PDE1C: variants seen among roughly 807,000 people sequenced by gnomAD.
PDE1C encodes the protein dual specificity calcium/calmodulin-dependent 3',5'-cyclic nucleotide phosphodiesterase 1C.
In PDE1C, 62 loss-of-function variants were observed where a neutral mutation model predicts 93.1. The observed-to-expected ratio is 0.67, with a 90% CI of 0.54 to 0.82. PDE1C has a LOEUF of 0.82. Among genes scored for constraint, PDE1C ranks in the 40% least tolerant of loss-of-function variants. The pLI is 0.00. For missense variants in PDE1C, 742 were observed against 884.6 expected, an observed-to-expected ratio of 0.84 and a Z score of 2.04; for synonymous variants, 325 against 310.1, an observed-to-expected ratio of 1.05 and a Z score of -0.50.
At chr7:32,169,187 A>G (rs912106665) in intron 3 of PDE1C, among the ~76,000 whole-genome samples, 5 of 152,232 alleles carry the variant, frequency 3.3e-5, no homozygotes, top group African/African-American at 1.2e-4. Flanking sequence ...TTTTTATTTA[A>G]TATGGGTGAG....
chr7:32,143,509 T>C (rs1800654941), intron 3 of PDE1C, among the ~76,000 whole-genome samples: 2 of 152,022 alleles, frequency 1.3e-5, no homozygotes, highest in Non-Finnish European at 2.9e-5. Context: ...GCTTCTCTTC[T>C]TGCCATTCCC....
intron 1 of PDE1C, among the ~76,000 whole-genome samples, chr7:32,407,079 G>T (rs539060323): frequency 6.6e-5 from 10 of 152,248 alleles, no homozygotes; most frequent in South Asian, 4.1e-4. Context: ...CTCGAGACCA[G>T]CCTGGCCAAC....
intron 9 of PDE1C, among the ~76,000 whole-genome samples, chr7:31,846,837 T>C (rs1340590198): frequency 6.6e-6 from 1 of 152,154 alleles, no homozygotes; most frequent in African/African-American, 2.4e-5. Flanking sequence ...GCTGGCTGAG[T>C]CTAGCATATT....
At chr7:32,413,470 C>A (rs1027006928) in intron 1 of PDE1C, among the ~76,000 whole-genome samples, 7 of 152,116 alleles carry the variant, frequency 4.6e-5, no homozygotes, top group African/African-American at 1.7e-4. Context: ...ATAAGTCAAT[C>A]ACAAAAGAGC....
chr7:32,353,814 A>T (rs1174665507), intron 1 of PDE1C, among the ~76,000 whole-genome samples: 4 of 152,146 alleles, frequency 2.6e-5, no homozygotes, highest in Non-Finnish European at 5.9e-5. Context: ...CTTATTTTAG[A>T]AATATCCATT....
At chr7:31,935,820 G>T (rs547946905) in intron 2 of PDE1C, among the ~76,000 whole-genome samples, 4 of 151,860 alleles carry the variant, frequency 2.6e-5, no homozygotes, top group Admixed American at 2.6e-4. Context: ...AGGGTCTAAC[G>T]TCACCAAGCA....
chr7:31,850,564 G>A, intron 8 of PDE1C, 77 bp downstream of exon 8: 1 of 951,330 alleles, frequency 1.1e-6, no homozygotes. Context: ...AAAGAAAGGT[G>A]ACTAACACCT....
At chr7:32,320,430 G>T (rs866351129) in intron 1 of PDE1C, among the ~76,000 whole-genome samples, 18 of 152,044 alleles carry the variant, frequency 1.2e-4, no homozygotes, top group African/African-American at 4.3e-4. Context: ...TGAATGATGG[G>T]GTGATCTGTG....
the PDE1C span, among the ~76,000 whole-genome samples, chr7:31,676,039 T>C: frequency 2.6e-5 from 4 of 152,304 alleles, no homozygotes; most frequent in South Asian, 6.2e-4. Context: ...GTTAATACTA[T>C]GGTGCTTTCA....
chr7:31,963,976 A>G (rs1439603664), intron 2 of PDE1C, among the ~76,000 whole-genome samples: 3 of 152,212 alleles, frequency 2.0e-5, no homozygotes, highest in African/African-American at 7.2e-5. Flanking sequence ...AGTGGGGTGG[A>G]GGCAAGGTGG....
chr7:32,286,724 A>G (rs946851866), intron 1 of PDE1C, among the ~76,000 whole-genome samples: 5 of 152,236 alleles, frequency 3.3e-5, no homozygotes, highest in Non-Finnish European at 7.3e-5. Flanking sequence ...AGCAGGTACT[A>G]GAACAACATG....
intron 3 of PDE1C, among the ~76,000 whole-genome samples, chr7:32,095,523 CCAGAATCATA>C (rs1797705198): frequency 6.6e-6 from 1 of 152,162 alleles, no homozygotes; most frequent in Admixed American, 6.5e-5. Context: ...TATGGGTTGG[CCAGAATCATA>C]CCAGCCCTAA....
chr7:32,358,669 G>C (rs1032432921), intron 1 of PDE1C, among the ~76,000 whole-genome samples: 1 of 152,122 alleles, frequency 6.6e-6, no homozygotes, highest in Non-Finnish European at 1.5e-5. Context: ...CTGGGTGCAG[G>C]GAGTGTTGTA....
chr7:32,145,308 C>G (rs1269220556), intron 3 of PDE1C, among the ~76,000 whole-genome samples: 1 of 152,138 alleles, frequency 6.6e-6, no homozygotes, highest in Non-Finnish European at 1.5e-5. Flanking sequence ...CAGGACATAG[C>G]TACTTATTAA....
chr7:31,872,965 G>A (rs1196733660), intron 6 of PDE1C, among the ~76,000 whole-genome samples: 1 of 152,196 alleles, frequency 6.6e-6, no homozygotes, highest in Non-Finnish European at 1.5e-5. Context: ...TTGGTCAATA[G>A]GACACAAAGT....
intron 2 of PDE1C, among the ~76,000 whole-genome samples, chr7:32,194,871 G>A (rs1320628889): frequency 2.6e-5 from 4 of 151,306 alleles, no homozygotes; most frequent in Non-Finnish European, 4.4e-5. Flanking sequence ...CTGCCTTCCT[G>A]TGGCTTACTT....
At chr7:31,940,650 T>C (rs767970217) in intron 2 of PDE1C, among the ~76,000 whole-genome samples, 10 of 151,664 alleles carry the variant, frequency 6.6e-5, no homozygotes, top group Non-Finnish European at 1.0e-4. Context: ...GAGGCAGAGC[T>C]TCCCTGAAGG....
At chr7:31,692,321 C>T in the PDE1C span, 1 of 791,042 alleles carries the variant, frequency 1.3e-6, no homozygotes, top group African/African-American at 1.7e-5. Context: ...ATAGCAGGTG[C>T]TCAACAAATA....
chr7:32,093,641 G>C (rs974393395), intron 3 of PDE1C, among the ~76,000 whole-genome samples: 20 of 152,220 alleles, frequency 1.3e-4, no homozygotes, highest in African/African-American at 4.8e-4. Flanking sequence ...GCCTGGGGCT[G>C]TTATCTTTAC....
Sources: gnomAD v4.1 joint callset for allele counts (sites outside exome capture counted in the v4.1 genomes callset) on GRCh38, gnomAD v4.1.1 for gene constraint, MANE v1.5 for transcripts, NCBI Gene and HGNC (gene_info 2026-07-23, HGNC 2026-07-21) for gene names.